EPHA6: variants seen among roughly 807,000 people sequenced by gnomAD.
The protein encoded by EPHA6 is ephrin type-A receptor 6.
A neutral mutation model predicts 112.0 loss-of-function variants in EPHA6; 50 were observed. That is an observed-to-expected ratio of 0.45 (90% CI 0.36 to 0.56). EPHA6 has a LOEUF of 0.56. Among genes scored for constraint, EPHA6 ranks in the 20% least tolerant of loss-of-function variants. EPHA6 has a pLI of 0.00. For missense variants in EPHA6, 1,280 were observed against 1,417.4 expected (o/e 0.90, Z 1.56); for synonymous variants, 529 against 490.7 (o/e 1.08, Z -1.03).
intron 3 of EPHA6, among the ~76,000 whole-genome samples, chr3:97,060,007 G>A (rs1267936063): frequency 6.6e-6 from 1 of 151,956 alleles, no homozygotes; most frequent in Non-Finnish European, 1.5e-5. Flanking sequence ...TGTAGTCCCA[G>A]CTACTTGGGA....
At chr3:97,102,943 GTTTA>G (rs1378003905) in intron 3 of EPHA6, among the ~76,000 whole-genome samples, 1 of 151,956 alleles carries the variant, frequency 6.6e-6, no homozygotes, top group African/African-American at 2.4e-5. Context: ...AAAAGTATCT[GTTTA>G]TTTATGTCCT....
chr3:97,351,233 A>G (rs1182896059), intron 5 of EPHA6, among the ~76,000 whole-genome samples: 1 of 152,170 alleles, frequency 6.6e-6, no homozygotes, highest in Admixed American at 6.6e-5. Context: ...ATGCCAACAG[A>G]GCTCTTATAC....
chr3:97,149,609 G>C (rs2076122044), intron 3 of EPHA6, among the ~76,000 whole-genome samples: 1 of 151,874 alleles, frequency 6.6e-6, no homozygotes, highest in Non-Finnish European at 1.5e-5. Flanking sequence ...TTAGGGCTAT[G>C]CAATAGTAAT....
Position 97,749,528 on chromosome 3 carries a change from A to T in EPHA6, c.*827A>T. On this transcript the variant is annotated 3_prime_UTR_variant, in exon 18 of 18. Transcript: ENST00000389672. The stretch of plus-strand genomic sequence containing the variant: ...GGAAAGACCAAGGGTGACTTCATTG[A>T]TCTAATGGCTTTCATAGAGAAAAGC... Among the ~76,000 whole-genome samples, 1 of 152,110 alleles carries T rather than the reference A, an allele frequency of 6.6e-6. No homozygotes were observed. Among genetic ancestry groups the T allele is most frequent in the Non-Finnish European group, 1.5e-5 (1 of 68,016 alleles).
chr3:97,489,664 C>A (rs531182826), intron 10 of EPHA6, among the ~76,000 whole-genome samples: 1 of 142,250 alleles, frequency 7.0e-6, no homozygotes, highest in African/African-American at 2.6e-5. Flanking sequence ...CCAGCCTGGG[C>A]GAAAAAGCGA....
chr3:97,574,009 T>C (rs1304172600), intron 11 of EPHA6, among the ~76,000 whole-genome samples: 2 of 152,134 alleles, frequency 1.3e-5, no homozygotes, highest in African/African-American at 4.8e-5. Context: ...ATGATAGCTA[T>C]GATATTCTTC....
intron 5 of EPHA6, among the ~76,000 whole-genome samples, chr3:97,360,055 T>A (rs2084294266): frequency 6.6e-6 from 1 of 152,194 alleles, no homozygotes; most frequent in African/African-American, 2.4e-5. Context: ...TCTGTACCTC[T>A]GTGATCAGAA....
chr3:96,978,547 T>C (rs889091740), intron 2 of EPHA6, among the ~76,000 whole-genome samples: 2 of 152,210 alleles, frequency 1.3e-5, no homozygotes, highest in Non-Finnish European at 2.9e-5. Context: ...TCCAAATTTG[T>C]ATATCAATAT....
intron 5 of EPHA6, among the ~76,000 whole-genome samples, chr3:97,339,347 C>G (rs2083202606): frequency 1.3e-5 from 2 of 152,192 alleles, no homozygotes; most frequent in South Asian, 4.1e-4. Context: ...TTGCATCATC[C>G]TGGTCTTCAC....
intron 14 of EPHA6, among the ~76,000 whole-genome samples, chr3:97,639,908 C>T (rs1422484310): frequency 5.3e-5 from 8 of 151,806 alleles, no homozygotes; most frequent in African/African-American, 1.9e-4. Context: ...AAATAAGTCT[C>T]TGAATTTAGA....
chr3:97,735,563 A>G (rs150337767), intron 15 of EPHA6, among the ~76,000 whole-genome samples: 39 of 152,162 alleles, frequency 2.6e-4, no homozygotes, highest in Admixed American at 1.2e-3. Flanking sequence ...CATTTGTTAT[A>G]TGTTATTTGC....
intron 3 of EPHA6, among the ~76,000 whole-genome samples, chr3:97,154,675 A>ATTTATAACT (rs2076249393): frequency 6.6e-6 from 1 of 152,276 alleles, no homozygotes; most frequent in Non-Finnish European, 1.5e-5. Flanking sequence ...ATGCTATAAC[A>ATTTATAACT]TTTATAGTAC....
At chr3:97,154,395 C>T (rs2076242702) in intron 3 of EPHA6, among the ~76,000 whole-genome samples, 2 of 151,982 alleles carry the variant, frequency 1.3e-5, no homozygotes, top group African/African-American at 2.4e-5. Flanking sequence ...AGGTACAAAG[C>T]GATGTTTTGG....
intron 3 of EPHA6, among the ~76,000 whole-genome samples, chr3:97,102,338 C>T (rs2047428973): frequency 6.6e-6 from 1 of 152,038 alleles, no homozygotes; most frequent in African/African-American, 2.4e-5. Flanking sequence ...CATTGTTCAG[C>T]TGAGTCCTAA....
In EPHA6 at chr3:97,661,296, C is replaced by G. The variant is rs2094168395; in HGVS notation, c.2784+23214C>G. The stretch of plus-strand genomic sequence containing the variant: ...GTACTCCCTAACGCTGGTCAGCTTA[C>G]TTGGAGTTGTCTCAAGTCCCTGTGT... On this transcript the variant is annotated intron_variant, in intron 14 of 17. Transcript: ENST00000389672. Among the ~76,000 whole-genome samples the G allele has an allele frequency of 2.1e-5, 3 of 141,612 alleles. No homozygotes were observed. In the South Asian group the frequency reaches 6.6e-4, roughly 31 times the overall value. The allele number at this position is 141,612 out of a possible 152,430, so 92.9% of individuals were successfully genotyped here.
chr3:97,619,924 T>G (rs1271153313), intron 13 of EPHA6, among the ~76,000 whole-genome samples: 2 of 152,060 alleles, frequency 1.3e-5, no homozygotes, highest in African/African-American at 4.8e-5. Context: ...TATTTTAACA[T>G]TCGTATGGAA....
intron 11 of EPHA6, among the ~76,000 whole-genome samples, chr3:97,563,579 T>C (rs958083772): frequency 6.6e-6 from 1 of 152,204 alleles, no homozygotes; most frequent in African/African-American, 2.4e-5. Flanking sequence ...ACCATCACTT[T>C]AGCAGTTTTT....
intron 7 of EPHA6, among the ~76,000 whole-genome samples, chr3:97,458,889 A>C (rs1211846328): frequency 6.6e-6 from 1 of 152,160 alleles, no homozygotes; most frequent in Non-Finnish European, 1.5e-5. Context: ...GAATTCAAAA[A>C]CAAAAAAGGA....
chr3:97,551,995 A>G (rs916995279), intron 11 of EPHA6, among the ~76,000 whole-genome samples: 1 of 152,196 alleles, frequency 6.6e-6, no homozygotes, highest in Non-Finnish European at 1.5e-5. Context: ...TATAATTAAT[A>G]TAATTACTTC....
Sources: allele counts gnomAD v4.1 joint callset (sites outside exome capture counted in the v4.1 genomes callset), GRCh38; gene constraint gnomAD v4.1.1; transcripts MANE v1.5; gene names NCBI Gene and HGNC (gene_info 2026-07-23, HGNC 2026-07-21).